The following FMN1 variants were observed in gnomAD, a reference collection of about 807,000 sequenced individuals.
FMN1 encodes the protein formin 1, also known as formin-1.
A neutral mutation model predicts 132.4 loss-of-function variants in FMN1; 110 were observed. That is an observed-to-expected ratio of 0.83 (90% confidence interval 0.71 to 0.97). The LOEUF (loss-of-function observed/expected upper bound fraction) is 0.97. FMN1 is among the 50% of genes least tolerant of loss of function. The pLI is 0.00. For synonymous variants in FMN1, 722 were observed against 651.7 expected (o/e 1.11, Z -1.64); for missense variants, 1,792 against 1,705.3 (o/e 1.05, Z -0.90).
In FMN1 at chr15:32,955,810, C is replaced by CGTGTGT. The variant is rs71682708; in HGVS notation, c.3138+8291_3138+8296dup. On this transcript the variant is annotated intron_variant, in intron 9 of 20. Coordinates refer to ENST00000616417, the MANE Select transcript of FMN1 (RefSeq NM_001277313.2). ...GATTTTAAAGATGTGTGTGCGTGTG[C>CGTGTGT]GTGTGTGTGTGTGTGTGCGTGCGCG... Among the ~76,000 whole-genome samples the CGTGTGT allele has an allele frequency of 6.2e-3, 932 of 150,202 alleles. 14 individuals carry two copies. Among genetic ancestry groups the CGTGTGT allele is most frequent in the African/African-American group, 0.022 (890 of 41,178 alleles).
chr15:32,874,503 G>T (rs2059593653), intron 16 of FMN1, among the ~76,000 whole-genome samples: 1 of 152,150 alleles, frequency 6.6e-6, no homozygotes, highest in Admixed American at 6.5e-5. Context: ...ATCACAGTCA[G>T]GAAGGGCTTT....
chr15:33,043,876 A>C (rs2619178), intron 6 of FMN1, among the ~76,000 whole-genome samples: 1 of 151,898 alleles, frequency 6.6e-6, no homozygotes, highest in Non-Finnish European at 1.5e-5. Flanking sequence ...AAGCAGACAA[A>C]AGCCCCGCCC....
chr15:33,119,068 A>G (rs1319698100), intron 4 of FMN1, among the ~76,000 whole-genome samples: 1 of 152,210 alleles, frequency 6.6e-6, no homozygotes. Flanking sequence ...TTATGCGACA[A>G]AACAATGACT....
At chr15:33,072,983 G>A (rs966226282) in intron 5 of FMN1, among the ~76,000 whole-genome samples, 12 of 150,790 alleles carry the variant, frequency 8.0e-5, no homozygotes, top group Non-Finnish European at 1.5e-4. Flanking sequence ...AGTGAGATAA[G>A]AACAATTGCA....
chr15:32,925,451 A>G (rs2060937053), intron 10 of FMN1, among the ~76,000 whole-genome samples: 1 of 152,216 alleles, frequency 6.6e-6, no homozygotes, highest in Non-Finnish European at 1.5e-5. Context: ...AAATAAAAAC[A>G]TAGCAGCATC....
intron 16 of FMN1, among the ~76,000 whole-genome samples, chr15:32,860,193 GGAA>G (rs1283766591): frequency 1.0e-4 from 15 of 145,894 alleles, no homozygotes; most frequent in Non-Finnish European, 2.1e-4. Flanking sequence ...GAGGAAGGAA[GGAA>G]GGAAGGAAAG....
chr15:32,825,064 T>A (rs1381514800), intron 17 of FMN1, among the ~76,000 whole-genome samples: 3 of 152,208 alleles, frequency 2.0e-5, no homozygotes, highest in Non-Finnish European at 4.4e-5. Flanking sequence ...ATCCAATTCC[T>A]GTCTTTTCTA....
intron 6 of FMN1, among the ~76,000 whole-genome samples, chr15:33,028,937 T>C (rs1029551759): frequency 6.6e-6 from 1 of 152,168 alleles, no homozygotes; most frequent in African/African-American, 2.4e-5. Context: ...AATAATAAAA[T>C]AGAAAACAGA....
At chr15:33,070,523 C>T (rs897148255) in intron 5 of FMN1, among the ~76,000 whole-genome samples, 1 of 151,964 alleles carries the variant, frequency 6.6e-6, no homozygotes, top group Non-Finnish European at 1.5e-5. Flanking sequence ...GCTACTGGCC[C>T]TTCTGCACCA....
intron 5 of FMN1, among the ~76,000 whole-genome samples, chr15:33,077,327 G>A (rs868460391): frequency 2.4e-4 from 35 of 147,510 alleles, no homozygotes; most frequent in Middle Eastern, 3.5e-3. Flanking sequence ...GAGCCACTGC[G>A]CCCGGCCCAT....
intron 19 of FMN1, among the ~76,000 whole-genome samples, chr15:32,795,350 C>G (rs1441870982): frequency 1.3e-5 from 2 of 152,144 alleles, no homozygotes; most frequent in Non-Finnish European, 1.5e-5. Flanking sequence ...CTTGAAATAT[C>G]TTCCAATATA....
intron 9 of FMN1, among the ~76,000 whole-genome samples, chr15:32,950,354 A>T (rs551905565): frequency 6.6e-6 from 1 of 151,974 alleles, no homozygotes; most frequent in African/African-American, 2.4e-5. Flanking sequence ...CCAAAGGAGT[A>T]TAAGTCATTC....
At chr15:32,918,280 C>T (rs373111733) in intron 10 of FMN1, among the ~76,000 whole-genome samples, 67 of 151,926 alleles carry the variant, frequency 4.4e-4, no homozygotes, top group African/African-American at 1.5e-3. Context: ...CACGAAGAAA[C>T]ACAAACAAAA....
chr15:32,805,155 C>T (rs1340645778), intron 17 of FMN1, among the ~76,000 whole-genome samples: 1 of 152,178 alleles, frequency 6.6e-6, no homozygotes, highest in Non-Finnish European at 1.5e-5. Context: ...TTCTCCACAC[C>T]TTCTCCAGCA....
rs550141814 is a variant in FMN1, at chr15:33,186,886, A to G, written c.-196-6624T>C. ...GGTATCTCCCTGGAGCACTTCTCTT[A>G]CTGCGACTTAACTCCAGTGACTCTT... On this transcript the variant is annotated intron_variant, in intron 2 of 20. Transcript: ENST00000616417. Among the ~76,000 whole-genome samples the G allele has an allele frequency of 1.5e-3, 222 of 152,352 alleles. 1 individual carries two copies. The highest frequency in any genetic ancestry group is 5.2e-3 in the African/African-American group (218 of 41,584).
At chr15:32,873,412 T>C (rs1053276130) in intron 16 of FMN1, among the ~76,000 whole-genome samples, 3 of 152,234 alleles carry the variant, frequency 2.0e-5, no homozygotes, top group African/African-American at 7.2e-5. Context: ...CAGACACTGA[T>C]CTCAGCTATT....
chr15:33,135,055 A>G (rs2140236490), intron 4 of FMN1, among the ~76,000 whole-genome samples: 1 of 152,350 alleles, frequency 6.6e-6, no homozygotes, highest in South Asian at 2.1e-4. Flanking sequence ...TTCACAGCTA[A>G]AATAAAGGTA....
chr15:33,098,992 C>T (rs1224404442), intron 4 of FMN1, among the ~76,000 whole-genome samples: 1 of 152,124 alleles, frequency 6.6e-6, no homozygotes, highest in African/African-American at 2.4e-5. Flanking sequence ...ATAGCCCAGG[C>T]GTGGTGGCTC....
intron 4 of FMN1, among the ~76,000 whole-genome samples, chr15:33,095,729 A>G (rs924668106): frequency 3.9e-5 from 6 of 152,166 alleles, no homozygotes; most frequent in Non-Finnish European, 8.8e-5. Context: ...CATTCATTAC[A>G]AGTAAATTTG....
Sources: gnomAD v4.1 joint callset for allele counts (sites outside exome capture counted in the v4.1 genomes callset) on GRCh38, gnomAD v4.1.1 for gene constraint, MANE v1.5 for transcripts, NCBI Gene and HGNC (gene_info 2026-07-23, HGNC 2026-07-21) for gene names.